HCN1: variants seen among roughly 807,000 people sequenced by gnomAD.
HCN1 encodes the protein potassium/sodium hyperpolarization-activated cyclic nucleotide-gated channel 1.
HCN1 carries 13 observed loss-of-function variants against 78.9 expected under a neutral mutation model. The observed-to-expected ratio is 0.16, with a 90% confidence interval of 0.11 to 0.26. The LOEUF (loss-of-function observed/expected upper bound fraction) is 0.26, where lower values mean the gene tolerates loss of function less well. Among genes scored for constraint, HCN1 ranks in the 10% least tolerant of loss-of-function variants. The pLI is 1.00. For synonymous variants in HCN1, 552 were observed against 455.5 expected (o/e 1.21, Z -2.70); for missense variants, 810 against 1,154.3 (o/e 0.70, Z 4.32).
intron 3 of HCN1, among the ~76,000 whole-genome samples, chr5:45,461,185 C>A (rs1475892756): frequency 6.6e-6 from 1 of 151,912 alleles, no homozygotes; most frequent in East Asian, 1.9e-4. Flanking sequence ...TCTTTTAATT[C>A]TTTTGTGAGT....
At chr5:45,502,160 C>A (rs1448485121) in intron 2 of HCN1, among the ~76,000 whole-genome samples, 2 of 151,992 alleles carry the variant, frequency 1.3e-5, no homozygotes, top group Admixed American at 1.3e-4. Flanking sequence ...GACATCTATA[C>A]TTTATCCTTA....
At position 45,633,321 on chromosome 5, in the gene HCN1, G is replaced by C. The variant is rs115634897; in HGVS notation, c.849+11864C>G. On this transcript the variant is annotated intron_variant, in intron 2 of 7. Coordinates refer to ENST00000303230, the MANE Select transcript of HCN1 (RefSeq NM_021072.4). ...TATTTTAAATATTTTTTTTAACTCA[G>C]GAAATCTCACCTTTTAGTAAAGCAT... Among the ~76,000 whole-genome samples, 1,116 of 151,634 alleles carry C rather than the reference G, an allele frequency of 7.4e-3. 10 individuals are homozygous for C. The highest frequency in any genetic ancestry group is 0.017 in the Middle Eastern group (5 of 294).
At chr5:45,298,314 C>T (rs1247770960) in intron 6 of HCN1, among the ~76,000 whole-genome samples, 1 of 151,980 alleles carries the variant, frequency 6.6e-6, no homozygotes, top group Admixed American at 6.6e-5. Context: ...GCTCCCTCAC[C>T]ATGTGATACC....
At chr5:45,521,899 C>T (rs373008000) in intron 2 of HCN1, among the ~76,000 whole-genome samples, 2 of 152,050 alleles carry the variant, frequency 1.3e-5, no homozygotes, top group East Asian at 1.9e-4. Context: ...TTTTACAGAA[C>T]ATTAGGGTAA....
intron 6 of HCN1, among the ~76,000 whole-genome samples, chr5:45,297,695 A>C (rs565948044): frequency 2.0e-5 from 3 of 152,226 alleles, no homozygotes; most frequent in African/African-American, 7.2e-5. Flanking sequence ...TCTCATAAAG[A>C]TAGAGACAAA....
chr5:45,316,952 A>G (rs1180650658), intron 5 of HCN1, among the ~76,000 whole-genome samples: 2 of 152,284 alleles, frequency 1.3e-5, no homozygotes, highest in South Asian at 2.1e-4. Context: ...ATGCTCATGG[A>G]TAGGAAGAAT....
chr5:45,474,045 A>C (rs1352801521), intron 2 of HCN1, among the ~76,000 whole-genome samples: 1 of 151,708 alleles, frequency 6.6e-6, no homozygotes, highest in African/African-American at 2.4e-5. Context: ...ATTCATATTG[A>C]GTATCCTCAA....
intron 4 of HCN1, among the ~76,000 whole-genome samples, chr5:45,373,044 AAATAT>A (rs1208034100): frequency 1.4e-4 from 19 of 136,988 alleles, no homozygotes; most frequent in Admixed American, 1.4e-3. Context: ...TAAATATATA[AAATAT>A]AATATATATA....
intron 2 of HCN1, among the ~76,000 whole-genome samples, chr5:45,502,741 A>C (rs1420587722): frequency 6.6e-6 from 1 of 152,164 alleles, no homozygotes; most frequent in Non-Finnish European, 1.5e-5. Flanking sequence ...TCACTCAACA[A>C]ATGTTAGCTA....
At chr5:45,496,648 A>G (rs1742038639) in intron 2 of HCN1, among the ~76,000 whole-genome samples, 1 of 152,134 alleles carries the variant, frequency 6.6e-6, no homozygotes, top group Non-Finnish European at 1.5e-5. Flanking sequence ...ATCCTTTCAA[A>G]AAACCAGCTC....
intron 4 of HCN1, among the ~76,000 whole-genome samples, chr5:45,366,678 A>T (rs1315823777): frequency 6.6e-6 from 1 of 151,836 alleles, no homozygotes; most frequent in African/African-American, 2.4e-5. Flanking sequence ...AATCTGAAGA[A>T]TAATTTTTAA....
At chr5:45,353,328 A>G in intron 4 of HCN1, 82 bp from the exon 5 acceptor site, 2 of 1,078,424 alleles carry the variant, frequency 1.9e-6, no homozygotes, top group Non-Finnish European at 1.4e-6. Flanking sequence ...TGCTATATTC[A>G]ATAATATTTG....
chr5:45,286,786 C>T (rs939063669), intron 6 of HCN1, among the ~76,000 whole-genome samples: 3 of 151,946 alleles, frequency 2.0e-5, no homozygotes, highest in Non-Finnish European at 4.4e-5. Flanking sequence ...GGTACAAAGA[C>T]AATTTTAAAA....
chr5:45,410,015 A>G (rs1739995179), intron 3 of HCN1, among the ~76,000 whole-genome samples: 1 of 151,764 alleles, frequency 6.6e-6, no homozygotes, highest in African/African-American at 2.4e-5. Flanking sequence ...AAAAATACAA[A>G]CTCATGTCTG....
intron 2 of HCN1, among the ~76,000 whole-genome samples, chr5:45,620,237 G>A (rs1464052411): frequency 6.6e-6 from 1 of 151,988 alleles, no homozygotes; most frequent in Non-Finnish European, 1.5e-5. Flanking sequence ...GATGTGGTAT[G>A]CATATTTAAT....
At chr5:45,519,937 C>T (rs1742582962) in intron 2 of HCN1, among the ~76,000 whole-genome samples, 1 of 151,608 alleles carries the variant, frequency 6.6e-6, no homozygotes, top group African/African-American at 2.4e-5. Flanking sequence ...ATGTGTTTAC[C>T]CATAAGAGTT....
rs1580055035 is a variant in HCN1 at position 45,695,804 on chromosome 5, T to C, written c.290A>G (p.Gln97Arg). ...PRRQYGFMQR[Q>R]FTSMLQPGVN... Reference sequence around the variant, plus strand: ...CCCGGGCTGCAGCATGGAGGTGAACTGCCTCTGCATGAAGCCGTACTGCCG... The same window carrying C: ...CCCGGGCTGCAGCATGGAGGTGAACCGCCTCTGCATGAAGCCGTACTGCCG... Residue 97 changes from glutamine (Q) to arginine (R), a missense_variant, in exon 1 of 8, where the codon CAG becomes CGG. By Grantham distance (43) the Gln-to-Arg change is conservative (BLOSUM62 1). Coordinates refer to ENST00000303230, the MANE Select transcript of HCN1 (RefSeq NM_021072.4). 3.7e-6 allele frequency: 6 copies of C among 1,610,308 alleles called. No individual in the cohort carries two copies. The highest frequency in any genetic ancestry group is 4.2e-6 in the Non-Finnish European group (5 of 1,179,502).
intron 3 of HCN1, among the ~76,000 whole-genome samples, chr5:45,447,036 A>G (rs1740814077): frequency 6.6e-6 from 1 of 152,150 alleles, no homozygotes; most frequent in African/African-American, 2.4e-5. Flanking sequence ...CACACATAAC[A>G]ATATTAACTT....
At chr5:45,556,246 G>A (rs1743466931) in intron 2 of HCN1, among the ~76,000 whole-genome samples, 1 of 151,798 alleles carries the variant, frequency 6.6e-6, no homozygotes, top group Non-Finnish European at 1.5e-5. Flanking sequence ...AACAGCAAAG[G>A]AAACAATCAA....
Sources: gnomAD v4.1 joint callset for allele counts (sites outside exome capture counted in the v4.1 genomes callset) on GRCh38, gnomAD v4.1.1 for gene constraint, MANE v1.5 for transcripts, NCBI Gene and HGNC (gene_info 2026-07-23, HGNC 2026-07-21) for gene names.